ADGRD1: variants seen among roughly 807,000 people sequenced by gnomAD.
ADGRD1 encodes the protein adhesion G protein-coupled receptor D1.
ADGRD1 carries 77 observed loss-of-function variants against 113.4 expected under a neutral mutation model. The observed-to-expected ratio is 0.68, with a 90% CI of 0.57 to 0.82. The LOEUF is 0.82. ADGRD1 is among the 40% of genes least tolerant of loss of function. The pLI is 0.00. For synonymous variants in ADGRD1, 474 were observed against 475.0 expected, an observed-to-expected ratio of 1.00 and a Z score of 0.03; for missense variants, 1,036 against 1,139.1, an observed-to-expected ratio of 0.91 and a Z score of 1.30.
At chr12:130,963,349 A>AAATTC (rs1565984047) in intron 2 of ADGRD1, among the ~76,000 whole-genome samples, 6 of 149,698 alleles carry the variant, frequency 4.0e-5, no homozygotes, top group Non-Finnish European at 7.4e-5. Context: ...AAAAGAAAGA[A>AAATTC]AAATTCAAAT....
At chr12:131,017,370 A>C (rs1200785679) in intron 13 of ADGRD1, among the ~76,000 whole-genome samples, 3 of 142,080 alleles carry the variant, frequency 2.1e-5, no homozygotes, top group African/African-American at 8.4e-5. Flanking sequence ...CCCAGTGCAC[A>C]CAGTCCACAC....
chr12:130,987,139 G>A lies in ADGRD1; in HGVS notation c.535G>A (p.Gly179Ser). The A allele has an allele frequency of 6.2e-7, 1 of 1,613,970 alleles. No homozygotes were observed. The change falls in exon 6 of 25, where the codon GGC (glycine) becomes AGC (serine). Residue 179 changes from glycine to serine, a missense_variant. Coordinates refer to ENST00000261654, the MANE Select transcript of ADGRD1 (RefSeq NM_198827.5). ...CCTATTTACATGGAAATCCAAGGAG[G>A]GCCTGAAAGTCTACGTCAACGGGAC... The part of the protein sequence containing the change: ...HVLFTWKSKE[G>S]LKVYVNGTLS...
Position 131,003,860 on chromosome 12 carries a change from C to T in ADGRD1, c.1145-326C>T, listed in dbSNP as rs550170281. On this transcript the variant is annotated intron_variant, in intron 10 of 24. Coordinates refer to ENST00000261654, the MANE Select transcript of ADGRD1 (RefSeq NM_198827.5). The surrounding 1 kb of genome is among the most constrained non-coding windows in gnomAD (Gnocchi z 4.8). ...TCGCCTGCTGCGCTTGGGGAGGAGCCGATGTCACCGCATCGCTGAGCACAG... is the reference window on the plus strand; with the variant it reads ...TCGCCTGCTGCGCTTGGGGAGGAGCTGATGTCACCGCATCGCTGAGCACAG... Among the ~76,000 whole-genome samples the T allele has an allele frequency of 2.0e-5, 3 of 152,134 alleles. No homozygotes were observed. The highest frequency in any genetic ancestry group is 2.9e-5 in the Non-Finnish European group (2 of 68,024).
intron 2 of ADGRD1, among the ~76,000 whole-genome samples, chr12:130,964,701 A>G (rs1006813384): frequency 1.3e-5 from 2 of 152,192 alleles, no homozygotes; most frequent in African/African-American, 4.8e-5. Flanking sequence ...ATAAATAAGT[A>G]AATAAAAAAT....
chr12:130,971,455 T>G lies in ADGRD1; in HGVS notation c.188-3T>G, dbSNP rs753822223. ...ATATGATGTTGTCATTTTTCTTCCT[T>G]AGATATTGTGGAAGGGAAGGTCAAC... is the stretch of plus-strand genomic sequence containing the variant. On this transcript the variant is annotated splice_polypyrimidine_tract_variant and splice_region_variant and intron_variant, in intron 3 of 24. Coordinates refer to ENST00000261654, the MANE Select transcript of ADGRD1 (RefSeq NM_198827.5). This position sits in a 1 kb window ranked among gnomAD's most constrained non-coding sequence, Gnocchi z 4.2. 9 of 1,612,642 alleles carry G rather than the reference T, an allele frequency of 5.6e-6. No homozygotes were observed. The Admixed American group carries it at 1.5e-4, about 27-fold the overall frequency.
At chr12:131,087,375 G>T (rs1052896888) in intron 15 of ADGRD1, among the ~76,000 whole-genome samples, 2 of 152,182 alleles carry the variant, frequency 1.3e-5, no homozygotes, top group Admixed American at 6.5e-5. Flanking sequence ...GGACCCAGGA[G>T]CCCTTGGCGC....
At chr12:131,010,247 C>T (rs1018592211) in intron 12 of ADGRD1, among the ~76,000 whole-genome samples, 6 of 152,142 alleles carry the variant, frequency 3.9e-5, no homozygotes, top group Non-Finnish European at 5.9e-5. Flanking sequence ...CCCAGGGTGG[C>T]GTTGAATTCT....
At position 131,140,876 on chromosome 12, in the gene ADGRD1, G is replaced by A. The variant is rs369277169; in HGVS notation, c.*1613G>A. On this transcript the variant is annotated 3_prime_UTR_variant, in exon 25 of 25. Transcript: ENST00000261654. ...CTGCCACATGGTGACAGTGCCACGG[G>A]CCCTGCGTATGGCCCCTGCAACCGT... 6.6e-6 allele frequency: 1 copy of A among 152,298 alleles called. No individual in the cohort carries two copies. The allele number at this position is 152,298 out of a possible 1,614,324, so 9.4% of individuals were successfully genotyped here. A position where few individuals can be genotyped will look rare whatever the true frequency, so the allele number is the denominator to read the frequency against.
intron 11 of ADGRD1, among the ~76,000 whole-genome samples, chr12:131,004,597 A>G (rs185149364): frequency 9.2e-5 from 14 of 151,420 alleles, no homozygotes; most frequent in African/African-American, 3.2e-4. Context: ...GAGCATCTCA[A>G]CCTGCTCGCC....
chr12:130,994,150 C>T (rs559833534), intron 8 of ADGRD1: 30 of 358,298 alleles, frequency 8.4e-5, no homozygotes, highest in Middle Eastern at 8.5e-4. Flanking sequence ...TTCCGGGCTC[C>T]GAAGGGAAGG....
intron 13 of ADGRD1, among the ~76,000 whole-genome samples, chr12:131,042,823 C>T (rs1287440540): frequency 6.6e-6 from 1 of 152,252 alleles, no homozygotes; most frequent in African/African-American, 2.4e-5. Context: ...TTTAGGCCAG[C>T]AGAATAATTT....
intron 12 of ADGRD1, among the ~76,000 whole-genome samples, chr12:131,008,309 C>A (rs1447368119): frequency 6.6e-6 from 1 of 152,226 alleles, no homozygotes; most frequent in African/African-American, 2.4e-5. Flanking sequence ...TATGTGCGCA[C>A]ATATGCCGGG....
chr12:131,105,875 C>T lies in ADGRD1; in HGVS notation c.1887+10C>T, dbSNP rs546151693. On this transcript the variant is annotated intron_variant, in intron 17 of 24. Transcript: ENST00000261654. Reference sequence around the variant, plus strand: ...CCTCGAGCCGGGCACGGTGAGTGGGCGCAGCTCCGTGTTCCTGCGCTGTCC... The same window carrying T: ...CCTCGAGCCGGGCACGGTGAGTGGGTGCAGCTCCGTGTTCCTGCGCTGTCC... 15 of 1,576,964 alleles carry T rather than the reference C, an allele frequency of 9.5e-6. No individual in the cohort carries two copies. The highest frequency in any genetic ancestry group is 1.7e-4 in the Middle Eastern group (1 of 6,026).
At chr12:131,070,825 G>A (rs1267581034) in intron 13 of ADGRD1, 2 of 518,930 alleles carry the variant, frequency 3.9e-6, no homozygotes, top group African/African-American at 3.8e-5. Context: ...CTTATAGGTT[G>A]GCTGGCCTCT....
chr12:130,999,105 T>C (rs34731066), intron 8 of ADGRD1, among the ~76,000 whole-genome samples: 11,366 of 152,328 alleles, frequency 0.075, 573 homozygotes, highest in Middle Eastern at 0.11. Context: ...AAATTTAAAA[T>C]GATAGATGTG....
chr12:130,955,841 G>T (rs1869506572), intron 2 of ADGRD1, among the ~76,000 whole-genome samples: 1 of 152,130 alleles, frequency 6.6e-6, no homozygotes. Flanking sequence ...GGAGTTGAGT[G>T]GTGAGATCTC....
chr12:131,026,902 C>G (rs1880029109), intron 13 of ADGRD1: 1 of 152,236 alleles, frequency 6.6e-6, no homozygotes. Context: ...TCCTTGTAAC[C>G]ATAATTTGGC....
At chr12:131,120,732 C>T in intron 19 of ADGRD1, 115 bp from the exon 20 acceptor site, 1 of 924,122 alleles carries the variant, frequency 1.1e-6, no homozygotes. Context: ...TGTATGACTG[C>T]CCCAGGTGGA....
intron 15 of ADGRD1, among the ~76,000 whole-genome samples, chr12:131,094,781 C>T (rs2137270202): frequency 1.3e-5 from 2 of 152,348 alleles, no homozygotes; most frequent in East Asian, 3.9e-4. Flanking sequence ...GGCTCCTTAC[C>T]ATTCCACCAG....
Sources: gnomAD v4.1 joint callset for allele counts (sites outside exome capture counted in the v4.1 genomes callset) on GRCh38, gnomAD v4.1.1 for gene constraint, Gnocchi (gnomAD v3.1) non-coding constraint, MANE v1.5 for transcripts, NCBI Gene and HGNC (gene_info 2026-07-23, HGNC 2026-07-21) for gene names.